SCML4: variants seen among roughly 807,000 people sequenced by gnomAD.
SCML4 encodes the protein sex comb on midleg-like protein 4.
SCML4 carries 34 observed loss-of-function variants against 41.1 expected under a neutral mutation model. The ratio of observed to expected loss-of-function variants is 0.83; its 90% CI spans 0.63 to 1.10. The LOEUF (loss-of-function observed/expected upper bound fraction) is 1.10. Ranked by LOEUF, SCML4 falls within the 50% of genes least tolerant of loss-of-function variation. SCML4 has a pLI of 0.00. For missense variants in SCML4, 522 were observed against 534.1 expected, an observed-to-expected ratio of 0.98 and a Z score of 0.22; for synonymous variants, 214 against 220.9, an observed-to-expected ratio of 0.97 and a Z score of 0.28.
At chr6:107,789,228 C>T (rs893612493) in intron 1 of SCML4, among the ~76,000 whole-genome samples, 3 of 152,232 alleles carry the variant, frequency 2.0e-5, no homozygotes, top group South Asian at 2.1e-4. Context: ...ATCATCCCTT[C>T]AATCATTTGA....
Position 107,720,701 on chromosome 6 carries a change from A to G in SCML4, c.973+2T>C, listed in dbSNP as rs866508931. 6.5e-7 allele frequency: 1 copy of G among 1,541,432 alleles called. No homozygotes were observed. Among genetic ancestry groups the G allele is most frequent in the Non-Finnish European group, 8.7e-7 (1 of 1,146,610 alleles). ...GGGAAGCTGATGCATGCATTACATT[A>G]CCACATCTGTTTCCTTCAAGAGAGG... is the stretch of plus-strand genomic sequence containing the variant. On this transcript the variant is annotated splice_donor_variant, in intron 6 of 7. Coordinates refer to ENST00000369020, the MANE Select transcript of SCML4 (RefSeq NM_198081.5). LOFTEE classifies it high-confidence loss of function.
At chr6:107,706,520 T>G (rs1451850384) in intron 7 of SCML4, among the ~76,000 whole-genome samples, 7 of 152,226 alleles carry the variant, frequency 4.6e-5, no homozygotes, top group Admixed American at 4.6e-4. Context: ...TAATGGTCAC[T>G]GTGGAAGGCG....
intron 1 of SCML4, among the ~76,000 whole-genome samples, chr6:107,777,548 T>C (rs1199754671): frequency 6.6e-6 from 1 of 152,240 alleles, no homozygotes; most frequent in Non-Finnish European, 1.5e-5. Context: ...TTCTGTTTTC[T>C]TGTTTTCTAA....
the SCML4 span, among the ~76,000 whole-genome samples, chr6:107,840,110 T>C: frequency 6.6e-6 from 1 of 152,226 alleles, no homozygotes; most frequent in South Asian, 2.1e-4. Context: ...AGTGTTTCTA[T>C]TGTAAACAGA....
chr6:107,825,036 TG>T (rs1785200144), upstream of SCML4, among the ~76,000 whole-genome samples: 2 of 152,208 alleles, frequency 1.3e-5, no homozygotes, highest in South Asian at 4.1e-4. Flanking sequence ...CACCTCAACG[TG>T]GTGGGACCTG....
the SCML4 span, among the ~76,000 whole-genome samples, chr6:107,845,356 C>T: frequency 3.3e-5 from 5 of 152,336 alleles, no homozygotes; most frequent in South Asian, 8.3e-4. Flanking sequence ...AGGCCCCGAC[C>T]ACCAGTTAAC....
chr6:107,841,280 G>T, the SCML4 span, among the ~76,000 whole-genome samples: 2 of 152,146 alleles, frequency 1.3e-5, no homozygotes, highest in African/African-American at 4.8e-5. Flanking sequence ...GCCAACACTG[G>T]AAGACCTCAT....
chr6:107,829,649 A>G, the SCML4 span, among the ~76,000 whole-genome samples: 2 of 152,196 alleles, frequency 1.3e-5, no homozygotes, highest in East Asian at 1.9e-4. Flanking sequence ...GGGGCTTAAA[A>G]CCTAGATGAC....
chr6:107,722,252 C>T (rs9486680), intron 5 of SCML4, among the ~76,000 whole-genome samples: 1,577 of 152,238 alleles, frequency 0.01, 20 homozygotes, highest in African/African-American at 0.035. Flanking sequence ...GCTGGGATTA[C>T]AGTCCTATAC....
intron 1 of SCML4, among the ~76,000 whole-genome samples, chr6:107,820,746 G>C (rs1237194428): frequency 6.6e-6 from 1 of 152,140 alleles, no homozygotes; most frequent in Non-Finnish European, 1.5e-5. Flanking sequence ...CAAATGCAGG[G>C]TTCCCCACAG....
In SCML4 at chr6:107,755,492, AAAG is replaced by A. The variant is rs1290500902; in HGVS notation, c.157-5682_157-5680del. On this transcript the variant is annotated intron_variant, in intron 2 of 7. Coordinates refer to ENST00000369020, the MANE Select transcript of SCML4 (RefSeq NM_198081.5). ...CCCATGATTTTGGAAAAGTCCTAAA[AAAG>A]AAGAGCACGGATATGAGCCCACTGG... 15 of 547,644 alleles carry A rather than the reference AAAG, an allele frequency of 2.7e-5. No homozygotes were observed. In the Admixed American group the frequency reaches 5.9e-4, roughly 21 times the overall value. The allele number at this position is 547,644 out of a possible 1,614,324, so 33.9% of individuals were successfully genotyped here. A position where few individuals can be genotyped will look rare whatever the true frequency, so the allele number is the denominator to read the frequency against.
chr6:107,803,463 CG>C (rs1741731948), intron 1 of SCML4, among the ~76,000 whole-genome samples: 1 of 143,386 alleles, frequency 7.0e-6, no homozygotes, highest in Non-Finnish European at 1.5e-5. Context: ...CCGCCCGGTC[CG>C]GGAGGTGAGG....
At chr6:107,723,843 G>A (rs2114415833) in intron 5 of SCML4, among the ~76,000 whole-genome samples, 1 of 152,172 alleles carries the variant, frequency 6.6e-6, no homozygotes, top group Non-Finnish European at 1.5e-5. Flanking sequence ...ACCAAAACCA[G>A]ACAGACACAT....
At chr6:107,788,293 C>T (rs926604552) in intron 1 of SCML4, among the ~76,000 whole-genome samples, 11 of 152,178 alleles carry the variant, frequency 7.2e-5, no homozygotes, top group African/African-American at 1.2e-4. Flanking sequence ...CCCTGTCAAA[C>T]GGAGACTTCA....
chr6:107,716,765 G>C (rs778879240), intron 6 of SCML4, among the ~76,000 whole-genome samples: 9 of 152,136 alleles, frequency 5.9e-5, no homozygotes, highest in Non-Finnish European at 1.0e-4. Context: ...CTGGAATCAT[G>C]GTTGCTAGGA....
chr6:107,762,940 T>C (rs754028994), intron 2 of SCML4, among the ~76,000 whole-genome samples: 1 of 132,960 alleles, frequency 7.5e-6, no homozygotes, highest in African/African-American at 2.8e-5. Context: ...TATAGTGCAG[T>C]GACACAATCA....
chr6:107,804,344 G>GAGGCCAGGCCCCA (rs1269403994), intron 1 of SCML4, among the ~76,000 whole-genome samples: 1 of 152,040 alleles, frequency 6.6e-6, no homozygotes, highest in Non-Finnish European at 1.5e-5. Context: ...ATAGTTACTG[G>GAGGCCAGGCCCCA]AGGCCAGGCC....
intron 1 of SCML4, among the ~76,000 whole-genome samples, chr6:107,775,657 C>T (rs1234929225): frequency 2.0e-5 from 3 of 152,070 alleles, no homozygotes; most frequent in Admixed American, 6.6e-5. Flanking sequence ...TATTTTGGGA[C>T]AGATGGGTAT....
rs1773486536 is a variant in SCML4, at chr6:107,705,248, T to C, written c.1197A>G (p.Ala399=). The C allele has an allele frequency of 6.4e-7, 1 of 1,551,588 alleles. No homozygotes were observed. The highest frequency in any genetic ancestry group is 1.4e-5 in the African/African-American group (1 of 73,036). The stretch of plus-strand genomic sequence containing the variant: ...TGTCAATGTGGTAGCAGAGTTTCAG[T>C]GCAGGTCCCAGCTTCAGGCCCAGGT... ...MKYLGLKLGP[A]LKLCYHIDKL... The change falls in exon 8 of 8, where the codon GCA becomes GCG. Residue 399 remains alanine (A), a synonymous_variant. Coordinates refer to ENST00000369020, the MANE Select transcript of SCML4 (RefSeq NM_198081.5).
Sources: gnomAD v4.1 joint callset for allele counts (sites outside exome capture counted in the v4.1 genomes callset) on GRCh38, gnomAD v4.1.1 for gene constraint, MANE v1.5 for transcripts, NCBI Gene and HGNC (gene_info 2026-07-23, HGNC 2026-07-21) for gene names.